Variants in SMC5 observed in about 807,000 individuals in gnomAD.
SMC5 encodes the protein structural maintenance of chromosomes protein 5.
SMC5 carries 88 observed loss-of-function variants against 148.3 expected under a neutral mutation model. That is an observed-to-expected ratio of 0.59 (90% CI 0.50 to 0.71). The LOEUF (loss-of-function observed/expected upper bound fraction) is 0.71, where lower values mean the gene tolerates loss of function less well. Among genes scored for constraint, SMC5 ranks in the 30% least tolerant of loss-of-function variants. The probability of loss-of-function intolerance (pLI) is 0.00; values close to 1 mark genes in which losing one functional copy is unlikely to be tolerated. For synonymous variants in SMC5, 421 were observed against 432.8 expected, an observed-to-expected ratio of 0.97 and a Z score of 0.34; for missense variants, 1,142 against 1,298.9, an observed-to-expected ratio of 0.88 and a Z score of 1.86.
At chr9:70,344,080 TTAA>T in intron 17 of SMC5, 61 bp from the exon 18 acceptor site, 1 of 1,018,732 alleles carries the variant, frequency 9.8e-7, no homozygotes, top group Non-Finnish European at 1.3e-6. Context: ...ATGTGGTAGT[TTAA>T]TAAAACATCC....
At chr9:70,290,787 A>T (rs181044037) in intron 8 of SMC5, among the ~76,000 whole-genome samples, 73 of 152,324 alleles carry the variant, frequency 4.8e-4, no homozygotes, top group African/African-American at 1.6e-3. Context: ...TTTTACATAA[A>T]CACACTCTGA....
At chr9:70,296,485 C>T (rs2035203605) in intron 8 of SMC5, among the ~76,000 whole-genome samples, 1 of 151,416 alleles carries the variant, frequency 6.6e-6, no homozygotes, top group East Asian at 1.9e-4. Context: ...TCACTTGAAC[C>T]CAGGTTGCAG....
At chr9:70,268,995 G>A (rs996195882) in intron 3 of SMC5, among the ~76,000 whole-genome samples, 1 of 152,098 alleles carries the variant, frequency 6.6e-6, no homozygotes, top group Non-Finnish European at 1.5e-5. Flanking sequence ...TTTAGAGACT[G>A]TTGCTGTTGG....
Position 70,323,626 on chromosome 9 carries a change from T to G in SMC5, c.2274+20T>G, listed in dbSNP as rs1211977121. ...ATAAAGGTAAGGTATTGTTTTAATT[T>G]TAGTCATTTTTTAAAGGAAATAGCG... On this transcript the variant is annotated intron_variant, in intron 16 of 24. Coordinates refer to ENST00000361138, the MANE Select transcript of SMC5 (RefSeq NM_015110.4). 1.9e-6 allele frequency: 3 copies of G among 1,597,940 alleles called. No homozygotes were observed. Among genetic ancestry groups the G allele is most frequent in the Non-Finnish European group, 2.6e-6 (3 of 1,173,320 alleles).
At chr9:70,286,132 G>A in intron 7 of SMC5, 68 bp from the exon 8 acceptor site, 3 of 912,082 alleles carry the variant, frequency 3.3e-6, no homozygotes. Context: ...GAATGGGCAG[G>A]GCCATATAAT....
At chr9:70,314,676 A>G (rs184581149) in intron 11 of SMC5, 66 bp from the exon 12 acceptor site, 392 of 750,560 alleles carry the variant, frequency 5.2e-4, no homozygotes, top group Non-Finnish European at 7.3e-4. Flanking sequence ...GAGTATGGTA[A>G]CTATAAATCA....
intron 3 of SMC5, among the ~76,000 whole-genome samples, chr9:70,275,898 A>G (rs988033032): frequency 2.5e-4 from 38 of 152,158 alleles, no homozygotes; most frequent in Non-Finnish European, 4.1e-4. Flanking sequence ...TATTAGACAT[A>G]TTAGGCTTTC....
At chr9:70,337,976 TA>T (rs1422652326) in intron 17 of SMC5, among the ~76,000 whole-genome samples, 1 of 152,160 alleles carries the variant, frequency 6.6e-6, no homozygotes, top group Non-Finnish European at 1.5e-5. Context: ...TTATTTTGAT[TA>T]TATTTTAATA....
intron 17 of SMC5, among the ~76,000 whole-genome samples, chr9:70,326,802 C>A (rs2036090635): frequency 6.6e-6 from 1 of 151,090 alleles, no homozygotes. Flanking sequence ...AGCAACATAG[C>A]CTAACAGAGA....
At chr9:70,310,197 GAGGAGTC>G (rs1478472294) in intron 11 of SMC5, among the ~76,000 whole-genome samples, 1 of 152,198 alleles carries the variant, frequency 6.6e-6, no homozygotes, top group Non-Finnish European at 1.5e-5. Context: ...AGATTCATCA[GAGGAGTC>G]ATTATCTGTG....
At chr9:70,262,704 T>C (rs978895754) in intron 1 of SMC5, among the ~76,000 whole-genome samples, 1 of 152,064 alleles carries the variant, frequency 6.6e-6, no homozygotes, top group Non-Finnish European at 1.5e-5. Context: ...AGCATGTAGA[T>C]AGTATGCAAA....
At chr9:70,346,819 T>C (rs543927136) in intron 19 of SMC5, among the ~76,000 whole-genome samples, 170 bp downstream of exon 19, 2 of 152,350 alleles carry the variant, frequency 1.3e-5, no homozygotes, top group South Asian at 2.1e-4. Context: ...CTATATGATA[T>C]GTACTGCTTG....
At position 70,338,867 on chromosome 9, in the gene SMC5, T is replaced by A. The variant is rs147572903; in HGVS notation, c.2398-5277T>A. ...CTGTTTTTCTTATTCATATGTTGAT[T>A]TGAAAGTTCTTAAATGATCTGAGTG... On this transcript the variant is annotated intron_variant, in intron 17 of 24. Coordinates refer to ENST00000361138, the MANE Select transcript of SMC5 (RefSeq NM_015110.4). Among the ~76,000 whole-genome samples, 6 of 152,326 alleles carry A rather than the reference T, an allele frequency of 3.9e-5. No homozygotes were observed. In the East Asian group the frequency reaches 1.2e-3, roughly 29 times the overall value.
At chr9:70,269,460 G>A (rs2034385645) in intron 3 of SMC5, among the ~76,000 whole-genome samples, 1 of 152,012 alleles carries the variant, frequency 6.6e-6, no homozygotes, top group South Asian at 2.1e-4. Flanking sequence ...CGCACCTGTA[G>A]TCCTAGCTAC....
At chr9:70,273,179 A>T (rs1047024910) in intron 3 of SMC5, among the ~76,000 whole-genome samples, 7 of 146,848 alleles carry the variant, frequency 4.8e-5, no homozygotes, top group African/African-American at 1.8e-4. Context: ...TTGCAAAAAA[A>T]ATCATCTGGC....
chr9:70,299,763 AT>A (rs1367480378), intron 9 of SMC5, among the ~76,000 whole-genome samples: 1 of 151,518 alleles, frequency 6.6e-6, no homozygotes, highest in Non-Finnish European at 1.5e-5. Flanking sequence ...TTGATAGGAA[AT>A]CTAGTGTTTT....
At position 70,346,607 on chromosome 9, in the gene SMC5, A is replaced by G. The variant is rs1277118014; in HGVS notation, c.2526A>G (p.Gln842=). 6.2e-7 allele frequency: 1 copy of G among 1,613,962 alleles called. No homozygotes were observed. The highest frequency in any genetic ancestry group is 1.7e-5 in the Admixed American group (1 of 59,988). Residue 842 remains glutamine (Q), a splice_region_variant and synonymous_variant, in exon 19 of 25, where the codon CAA becomes CAG. Transcript: ENST00000361138. ...CTGGACCCATTCTACCAATTCAGCA[A>G]GTACCCACCATTCCAAATGGACACA... ...EQTLPQEYQT[Q]VPTIPNGHNS...
chr9:70,272,610 A>T (rs2034482764), intron 3 of SMC5, among the ~76,000 whole-genome samples: 1 of 152,192 alleles, frequency 6.6e-6, no homozygotes, highest in Non-Finnish European at 1.5e-5. Context: ...TTAGATATAT[A>T]AACCTGTCAT....
chr9:70,323,937 A>G (rs2036011831), intron 16 of SMC5, 84 bp from the exon 17 acceptor site: 1 of 1,233,108 alleles, frequency 8.1e-7, no homozygotes, highest in South Asian at 1.7e-5. Context: ...CATGGTTTAT[A>G]ATTTTGTTTT....
Sources: gnomAD v4.1 joint callset for allele counts (sites outside exome capture counted in the v4.1 genomes callset) on GRCh38, gnomAD v4.1.1 for gene constraint, MANE v1.5 for transcripts, NCBI Gene and HGNC (gene_info 2026-07-23, HGNC 2026-07-21) for gene names.